USP10: variants seen among roughly 807,000 people sequenced by gnomAD.
USP10 encodes the protein ubiquitin specific peptidase 10, also known as ubiquitin carboxyl-terminal hydrolase 10.
USP10 carries 22 observed loss-of-function variants against 84.5 expected under a neutral mutation model. The ratio of observed to expected loss-of-function variants is 0.26; its 90% CI spans 0.19 to 0.37. The LOEUF (loss-of-function observed/expected upper bound fraction) is 0.37. Among genes scored for constraint, USP10 ranks in the 10% least tolerant of loss-of-function variants. The probability of loss-of-function intolerance (pLI) is 1.00; values close to 1 mark genes in which losing one functional copy is unlikely to be tolerated. For synonymous variants in USP10, 454 were observed against 387.6 expected (o/e 1.17, Z -2.01); for missense variants, 1,019 against 998.9 (o/e 1.02, Z -0.27).
intron 1 of USP10, among the ~76,000 whole-genome samples, chr16:84,712,652 G>A (rs1298353663): frequency 6.6e-6 from 1 of 152,178 alleles, no homozygotes; most frequent in Non-Finnish European, 1.5e-5. Context: ...AGTAATGAGA[G>A]CTGATGAAGA....
chr16:84,717,543 C>T (rs1186981273), intron 1 of USP10, among the ~76,000 whole-genome samples: 2 of 152,122 alleles, frequency 1.3e-5, no homozygotes, highest in African/African-American at 2.4e-5. Context: ...AGCTTGGTGA[C>T]AAGCTGTTTG....
At chr16:84,721,608 G>A (rs1291079889) in intron 1 of USP10, among the ~76,000 whole-genome samples, 1 of 151,842 alleles carries the variant, frequency 6.6e-6, no homozygotes, top group Non-Finnish European at 1.5e-5. Context: ...GCTCACTGCA[G>A]CCTTGACCTC....
intron 4 of USP10, among the ~76,000 whole-genome samples, chr16:84,757,625 A>G (rs1055041558): frequency 6.6e-6 from 1 of 152,146 alleles, no homozygotes; most frequent in Admixed American, 6.5e-5. Flanking sequence ...TTTATTTATT[A>G]TACTTTATTT....
chr16:84,700,060 G>T lies in USP10; in HGVS notation c.-31G>T. On this transcript the variant is annotated 5_prime_UTR_variant, in exon 1 of 14. In the 5' UTR this introduces an upstream ATG that the reference lacks. Coordinates refer to ENST00000219473, the MANE Select transcript of USP10 (RefSeq NM_005153.3). ...GGGGGAAGCAGCGTGAGCAGCCGGAGGATCGCGGAGTCCCAATGAAACGGG... is the reference window on the plus strand; with the variant it reads ...GGGGGAAGCAGCGTGAGCAGCCGGATGATCGCGGAGTCCCAATGAAACGGG... 7.3e-7 allele frequency: 1 copy of T among 1,368,506 alleles called. No individual in the cohort carries two copies. Among genetic ancestry groups the T allele is most frequent in the South Asian group, 1.4e-5 (1 of 73,816 alleles). The allele number at this position is 1,368,506 out of a possible 1,614,324, so 84.8% of individuals were successfully genotyped here. A position where few individuals can be genotyped will look rare whatever the true frequency, so the allele number is the denominator to read the frequency against.
chr16:84,726,069 C>T (rs1237028605), intron 1 of USP10, among the ~76,000 whole-genome samples: 1 of 152,236 alleles, frequency 6.6e-6, no homozygotes, highest in African/African-American at 2.4e-5. Context: ...AATGCAGCAG[C>T]AAAGTATTTA....
At chr16:84,748,421 A>C (rs111609540) in intron 4 of USP10, among the ~76,000 whole-genome samples, 4,897 of 151,898 alleles carry the variant, frequency 0.032, 239 homozygotes, top group African/African-American at 0.11. Context: ...CTCCTGCCTC[A>C]GCCTCCCTAG....
intron 4 of USP10, among the ~76,000 whole-genome samples, chr16:84,754,225 A>G (rs1348740118): frequency 6.6e-6 from 1 of 152,318 alleles, no homozygotes; most frequent in East Asian, 1.9e-4. Flanking sequence ...ATTAGGATTT[A>G]GGATCATTAT....
intron 2 of USP10, among the ~76,000 whole-genome samples, chr16:84,735,191 C>T (rs1016207752): frequency 9.9e-5 from 9 of 91,056 alleles, no homozygotes; most frequent in African/African-American, 3.4e-4. Flanking sequence ...CTGCCAGGCC[C>T]GGGTGGTGTG....
intron 2 of USP10, among the ~76,000 whole-genome samples, chr16:84,737,790 C>G (rs1165070419): frequency 1.3e-5 from 2 of 152,210 alleles, no homozygotes; most frequent in African/African-American, 2.4e-5. Context: ...GGACCTCCTC[C>G]CCAGAGTTGT....
At chr16:84,714,049 A>T (rs1906669619) in intron 1 of USP10, among the ~76,000 whole-genome samples, 1 of 152,216 alleles carries the variant, frequency 6.6e-6, no homozygotes, top group Non-Finnish European at 1.5e-5. Context: ...CCTGGGCACC[A>T]GAATAGTAAG....
chr16:84,740,146 A>G (rs916998774), intron 2 of USP10, among the ~76,000 whole-genome samples, 163 bp from the exon 3 acceptor site: 3 of 152,240 alleles, frequency 2.0e-5, no homozygotes, highest in Non-Finnish European at 4.4e-5. Context: ...AATGAAGATG[A>G]TTTAGATTGC....
Position 84,733,471 on chromosome 16 carries a change from C to A in USP10, c.58C>A (p.Gln20Lys). The A allele has an allele frequency of 6.2e-7, 1 of 1,609,944 alleles. No individual in the cohort carries two copies. The highest frequency in any genetic ancestry group is 1.1e-5 in the South Asian group (1 of 90,472). The change falls in exon 2 of 14, where the codon CAA becomes AAA. Residue 20 changes from glutamine (Q) to lysine (K), a missense_variant. Around this residue, in one of 2 missense-constraint regions of USP10, gnomAD observed 787 missense variants for 708.8 expected, o/e 1.11. Transcript: ENST00000219473. ...AGATTTTAGCCCTGATGAATTCAATCAATTCTTTGTGACTCCTCGATCTTC... is the reference window on the plus strand; with the variant it reads ...AGATTTTAGCCCTGATGAATTCAATAAATTCTTTGTGACTCCTCGATCTTC... ...FGDFSPDEFN[Q>K]FFVTPRSSVE...
rs1260396270 is a variant in USP10 at position 84,745,248 on chromosome 16, C to T, written c.767C>T (p.Pro256Leu). 13 of 1,613,422 alleles carry T rather than the reference C, an allele frequency of 8.1e-6. No individual in the cohort carries two copies. Among genetic ancestry groups the T allele is most frequent in the Non-Finnish European group, 1.0e-5 (12 of 1,179,682 alleles). ...GCTGATTTTGGTCAGTCCTGCTTCC[C>T]TGCAGAGGCTGGCAGAGACACCCTG... ...PGADFGQSCF[P>L]AEAGRDTLSR... is the part of the protein sequence containing the mutation. Residue 256 changes from proline to leucine, a missense_variant, in exon 4 of 14, where the codon CCT becomes CTT. This residue lies in a region of USP10 where 787 missense variants were observed against 708.8 expected (regional missense o/e 1.11). Coordinates refer to ENST00000219473, the MANE Select transcript of USP10 (RefSeq NM_005153.3).
chr16:84,773,068 A>C (rs982142652), intron 12 of USP10, among the ~76,000 whole-genome samples: 4 of 152,126 alleles, frequency 2.6e-5, no homozygotes, highest in African/African-American at 9.7e-5. Flanking sequence ...GATTTCTCAT[A>C]GGCAGTGAGA....
Position 84,745,125 on chromosome 16 carries a change from C to T in USP10, c.644C>T (p.Ser215Phe). 1 of 1,613,592 alleles carries T rather than the reference C, an allele frequency of 6.2e-7. No homozygotes were observed. Among genetic ancestry groups the T allele is most frequent in the South Asian group, 1.1e-5 (1 of 91,066 alleles). The change falls in exon 4 of 14, where the codon TCC becomes TTC. Residue 215 changes from serine (S) to phenylalanine (F), a missense_variant. Transcript: ENST00000219473. ...AGGACTTGTAACAGCCCCCAGAACT[C>T]CACAGACTCTGTCAGTGACATTGTG... Reference protein sequence around the residue: ...TPRTCNSPQNSTDSVSDIVPD... With the variant: ...TPRTCNSPQNFTDSVSDIVPD...
rs1487472760 is a variant in USP10, at chr16:84,740,428, C to T, written c.151+59C>T. 2.9e-6 allele frequency: 4 copies of T among 1,378,880 alleles called. No individual in the cohort carries two copies. In the African/African-American group the frequency reaches 5.8e-5, roughly 20 times the overall value. 85.4% of individuals were successfully genotyped at this position (1,378,880 alleles called of 1,614,324 possible). A position where few individuals can be genotyped will look rare whatever the true frequency, so the allele number is the denominator to read the frequency against. On this transcript the variant is annotated intron_variant, in intron 3 of 13. Coordinates refer to ENST00000219473, the MANE Select transcript of USP10 (RefSeq NM_005153.3). ...AATTTGGCCATACGTGCTGGGTGGG[C>T]AGGCTACCTGTAAACATTGTTTCCC...
chr16:84,762,924 G>C (rs1010047143), intron 8 of USP10, 65 bp from the exon 9 acceptor site: 12 of 970,766 alleles, frequency 1.2e-5, no homozygotes, highest in Non-Finnish European at 1.9e-5. Context: ...TGCAAGTACT[G>C]CATGTCCTGC....
At position 84,700,003 on chromosome 16, in the gene USP10, T is replaced by G; in HGVS notation, c.-88T>G. ...GCGCAGGCGCGGCGGCCGATGCGAG[T>G]GTGTATGTGCGGGCGAGAAGATGGC... On this transcript the variant is annotated 5_prime_UTR_variant, in exon 1 of 14. Coordinates refer to ENST00000219473, the MANE Select transcript of USP10 (RefSeq NM_005153.3). The G allele has an allele frequency of 8.3e-6, 10 of 1,200,600 alleles. No homozygotes were observed. Among genetic ancestry groups the G allele is most frequent in the Non-Finnish European group, 9.7e-6 (9 of 924,922 alleles). 74.4% of individuals were successfully genotyped at this position (1,200,600 alleles called of 1,614,324 possible).
chr16:84,736,291 A>AT (rs1440924427), intron 2 of USP10, among the ~76,000 whole-genome samples: 1 of 152,208 alleles, frequency 6.6e-6, no homozygotes, highest in African/African-American at 2.4e-5. Context: ...GGGGCCATGA[A>AT]TTGAAAAACC....
Sources: gnomAD v4.1 joint callset for allele counts (sites outside exome capture counted in the v4.1 genomes callset) on GRCh38, gnomAD v4.1.1 for gene constraint, gnomAD v4.1.1 regional missense constraint, MANE v1.5 for transcripts, NCBI Gene and HGNC (gene_info 2026-07-23, HGNC 2026-07-21) for gene names.